The following MAML3 variants were observed in gnomAD, a reference collection of about 807,000 sequenced individuals.
The protein encoded by MAML3 is mastermind like transcriptional coactivator 3.
MAML3 carries 27 observed loss-of-function variants against 101.9 expected under a neutral mutation model. The observed-to-expected ratio is 0.27, with a 90% confidence interval of 0.20 to 0.37. The LOEUF (loss-of-function observed/expected upper bound fraction) is 0.37. Ranked by LOEUF, MAML3 falls within the 10% of genes least tolerant of loss-of-function variation. The pLI is 1.00. For synonymous variants in MAML3, 501 were observed against 555.9 expected, an observed-to-expected ratio of 0.90 and a Z score of 1.39; for missense variants, 1,316 against 1,444.9, an observed-to-expected ratio of 0.91 and a Z score of 1.45.
chr4:139,866,071 A>T (rs1731893766), intron 2 of MAML3, among the ~76,000 whole-genome samples: 1 of 152,232 alleles, frequency 6.6e-6, no homozygotes, highest in African/African-American at 2.4e-5. Context: ...AGAGCCAGGG[A>T]TGGAAAGGGA....
chr4:139,780,370 G>C (rs992642256), intron 2 of MAML3, among the ~76,000 whole-genome samples: 1 of 152,194 alleles, frequency 6.6e-6, no homozygotes, highest in Non-Finnish European at 1.5e-5. Flanking sequence ...TGGGTGCCAT[G>C]CATCTACCTA....
At chr4:139,757,718 G>T (rs1444424438) in intron 2 of MAML3, among the ~76,000 whole-genome samples, 1 of 149,892 alleles carries the variant, frequency 6.7e-6, no homozygotes, top group African/African-American at 2.5e-5. Flanking sequence ...AGCCTCATCT[G>T]TTGAGGGCCA....
chr4:139,887,467 G>A (rs1732367426), intron 2 of MAML3, among the ~76,000 whole-genome samples: 3 of 152,334 alleles, frequency 2.0e-5, no homozygotes, highest in South Asian at 4.1e-4. Context: ...AGCTGACTGA[G>A]CTCTTTCAAA....
chr4:140,151,197 G>A (rs1360361340), intron 1 of MAML3, among the ~76,000 whole-genome samples: 2 of 152,062 alleles, frequency 1.3e-5, no homozygotes, highest in Non-Finnish European at 2.9e-5. Flanking sequence ...GCTGGAGGAG[G>A]AGGAAGGGAG....
At chr4:140,053,631 T>C (rs1318996082) in intron 1 of MAML3, among the ~76,000 whole-genome samples, 8 of 152,116 alleles carry the variant, frequency 5.3e-5, no homozygotes, top group Non-Finnish European at 1.2e-4. Context: ...TGACTGAATA[T>C]ATCAGGGGCC....
intron 1 of MAML3, among the ~76,000 whole-genome samples, chr4:140,059,598 T>C (rs1016290525): frequency 1.3e-5 from 2 of 152,200 alleles, no homozygotes; most frequent in African/African-American, 4.8e-5. Flanking sequence ...CATAAAGAAA[T>C]GGCTGAATGT....
chr4:139,994,784 G>GGT (rs1485235560), intron 1 of MAML3, among the ~76,000 whole-genome samples: 2 of 38,768 alleles, frequency 5.2e-5, no homozygotes, highest in Non-Finnish European at 9.8e-5. Flanking sequence ...GTGCTGGTGG[G>GGT]GGGTGTGTGT....
intron 2 of MAML3, among the ~76,000 whole-genome samples, chr4:139,822,270 C>CCAT (rs1286713114): frequency 1.8e-4 from 21 of 119,358 alleles, no homozygotes; most frequent in Non-Finnish European, 3.0e-4. Context: ...ACCACCACCA[C>CCAT]CATCATCATC....
intron 1 of MAML3, among the ~76,000 whole-genome samples, chr4:139,937,672 G>A (rs1364307226): frequency 6.6e-6 from 1 of 152,148 alleles, no homozygotes; most frequent in Non-Finnish European, 1.5e-5. Context: ...ACAGGTATGA[G>A]CCACTGCGCC....
At chr4:140,002,049 A>AT (rs1410201811) in intron 1 of MAML3, among the ~76,000 whole-genome samples, 14 of 43,908 alleles carry the variant, frequency 3.2e-4, no homozygotes, top group East Asian at 1.3e-3. Flanking sequence ...CACACTTATC[A>AT]TTTTTTTTTG....
At chr4:140,095,932 C>T (rs1025595989) in intron 1 of MAML3, among the ~76,000 whole-genome samples, 4 of 152,212 alleles carry the variant, frequency 2.6e-5, no homozygotes, top group African/African-American at 9.7e-5. Flanking sequence ...GATCAAGCTC[C>T]TAAAGGGCAG....
intron 1 of MAML3, among the ~76,000 whole-genome samples, chr4:140,118,503 A>G (rs1200210021): frequency 6.6e-6 from 1 of 152,084 alleles, no homozygotes; most frequent in Non-Finnish European, 1.5e-5. Context: ...CCTTTGTGGA[A>G]CCTCTATTCC....
chr4:139,818,875 T>C (rs1578615734), intron 2 of MAML3, among the ~76,000 whole-genome samples: 1 of 152,216 alleles, frequency 6.6e-6, no homozygotes, highest in East Asian at 1.9e-4. Flanking sequence ...TATTTCTTCA[T>C]ATATTTTGTC....
chr4:139,951,638 G>A (rs916815161), intron 1 of MAML3, among the ~76,000 whole-genome samples: 2 of 152,194 alleles, frequency 1.3e-5, no homozygotes, highest in Non-Finnish European at 2.9e-5. Flanking sequence ...GAGGAGAGAG[G>A]AAAGGGTCAG....
chr4:139,833,607 A>G (rs1213871096), intron 2 of MAML3, among the ~76,000 whole-genome samples: 5 of 152,156 alleles, frequency 3.3e-5, no homozygotes, highest in African/African-American at 1.2e-4. Context: ...TGAGAAATAC[A>G]GTGCTTCGAC....
chr4:139,994,749 T>C (rs903507568), intron 1 of MAML3, among the ~76,000 whole-genome samples: 1 of 151,636 alleles, frequency 6.6e-6, no homozygotes, highest in African/African-American at 2.4e-5. Context: ...AACTCACTTA[T>C]TAGTTTTAAT....
chr4:139,828,972 A>G (rs1243781372), intron 2 of MAML3, among the ~76,000 whole-genome samples: 2 of 145,290 alleles, frequency 1.4e-5, no homozygotes, highest in Non-Finnish European at 3.0e-5. Flanking sequence ...GACCCTGTTG[A>G]AAGAGGAAGG....
intron 1 of MAML3, among the ~76,000 whole-genome samples, chr4:139,969,135 C>G (rs775152861): frequency 1.3e-5 from 2 of 151,774 alleles, no homozygotes; most frequent in Non-Finnish European, 2.9e-5. Flanking sequence ...ATCTTGATAA[C>G]CTGCAGAGGA....
At chr4:139,893,008 C>A (rs1339200847) in intron 1 of MAML3, among the ~76,000 whole-genome samples, 1 of 151,998 alleles carries the variant, frequency 6.6e-6, no homozygotes, top group Non-Finnish European at 1.5e-5. Flanking sequence ...CCAGGCTCAC[C>A]TTTTTGCCTC....
Sources: allele counts gnomAD v4.1 joint callset (sites outside exome capture counted in the v4.1 genomes callset), GRCh38; gene constraint gnomAD v4.1.1; transcripts MANE v1.5; gene names NCBI Gene and HGNC (gene_info 2026-07-23, HGNC 2026-07-21).